KLHDC4: variants seen among roughly 807,000 people sequenced by gnomAD.
KLHDC4 encodes the protein kelch domain containing 4.
In KLHDC4, 90 loss-of-function variants were observed where a neutral mutation model predicts 62.4. The ratio of observed to expected loss-of-function variants is 1.44; its 90% CI spans 1.22 to 1.72. The LOEUF is 1.72. KLHDC4 is among the 40% of genes most tolerant of loss of function. KLHDC4 has a pLI of 0.00. For synonymous variants in KLHDC4, 386 were observed against 284.4 expected (o/e 1.36, Z -3.59); for missense variants, 1,025 against 699.7 (o/e 1.47, Z -5.25).
At chr16:87,734,858 A>G (rs574738886) in intron 5 of KLHDC4, among the ~76,000 whole-genome samples, 6 of 151,414 alleles carry the variant, frequency 4.0e-5, no homozygotes, top group South Asian at 2.1e-4. Context: ...CACACTACAC[A>G]TGAGAGTCAA....
intron 1 of KLHDC4, chr16:87,763,620 A>C (rs1396643386): frequency 6.6e-6 from 1 of 152,192 alleles, no homozygotes; most frequent in African/African-American, 2.4e-5. Context: ...AAAAATAAAA[A>C]ATAAAATGTC....
intron 7 of KLHDC4, among the ~76,000 whole-genome samples, chr16:87,718,122 G>C (rs1427107295): frequency 6.6e-6 from 1 of 152,090 alleles, no homozygotes; most frequent in Non-Finnish European, 1.5e-5. Flanking sequence ...TTGAAGTGTT[G>C]TGACTTTTCC....
chr16:87,707,155 T>C (rs1175759507), downstream of KLHDC4, among the ~76,000 whole-genome samples: 2 of 152,250 alleles, frequency 1.3e-5, no homozygotes, highest in Non-Finnish European at 2.9e-5. Flanking sequence ...CAAATCCGAA[T>C]TGGCCTTCAG....
At chr16:87,703,116 G>A (rs960521287), downstream of KLHDC4, 1 of 152,240 alleles carries the variant, frequency 6.6e-6, no homozygotes, top group African/African-American at 2.4e-5. Context: ...CCGCTGCAGA[G>A]CTGCGCAATG....
chr16:87,708,638 C>T (rs1597368897), intron 10 of KLHDC4, 172 bp from the exon 11 acceptor site: 6 of 441,554 alleles, frequency 1.4e-5, no homozygotes, highest in Middle Eastern at 5.7e-4. Flanking sequence ...AAACAGACTG[C>T]GTTCCCCTGG....
intron 7 of KLHDC4, among the ~76,000 whole-genome samples, chr16:87,722,125 G>A (rs1342354890): frequency 6.6e-6 from 1 of 152,222 alleles, no homozygotes; most frequent in African/African-American, 2.4e-5. Context: ...ACACGTGAAT[G>A]CTGCTGGGTC....
At position 87,709,353 on chromosome 16, in the gene KLHDC4, GGCCTCAAACAT is replaced by G; in HGVS notation, c.1348_1358del (p.Met450ArgfsTer45). On this transcript the variant is annotated frameshift_variant, in exon 10 of 12. Coordinates refer to ENST00000270583, the MANE Select transcript of KLHDC4 (RefSeq NM_017566.4). LOFTEE classifies it high-confidence loss of function. ...CGCTGAGGGTGACCTGGCGGTCGCCGGCCTCAAACATGCCCCCATAGACGTAGAGCACCCCA... is the reference window on the plus strand; with the variant it reads ...CGCTGAGGGTGACCTGGCGGTCGCCGGCCCCCATAGACGTAGAGCACCCCA... The G allele has an allele frequency of 6.2e-7, 1 of 1,613,416 alleles. No individual in the cohort carries two copies. Among genetic ancestry groups the G allele is most frequent in the Non-Finnish European group, 8.5e-7 (1 of 1,179,942 alleles).
intron 10 of KLHDC4, 75 bp from the exon 11 acceptor site, chr16:87,708,541 G>A (rs2035108929): frequency 9.2e-7 from 1 of 1,085,720 alleles, no homozygotes; most frequent in South Asian, 1.7e-5. Context: ...GACGGTGGTG[G>A]CTACGTCCTG....
Position 87,741,830 on chromosome 16 carries a change from C to T in KLHDC4, c.506+6843G>A, listed in dbSNP as rs894471461. Among the ~76,000 whole-genome samples, 135 of 152,352 alleles carry T rather than the reference C, an allele frequency of 8.9e-4. 1 individual carries two copies. The highest frequency in any genetic ancestry group is 3.9e-4 in the East Asian group (2 of 5,190). Reference sequence around the variant, plus strand: ...CAATATTTAATTCCCGCCAACTTCACATCCTCGGCTGAAAAACCAACTCCC... The same window carrying T: ...CAATATTTAATTCCCGCCAACTTCATATCCTCGGCTGAAAAACCAACTCCC... On this transcript the variant is annotated intron_variant, in intron 5 of 11. Coordinates refer to ENST00000270583, the MANE Select transcript of KLHDC4 (RefSeq NM_017566.4).
intron 5 of KLHDC4, among the ~76,000 whole-genome samples, chr16:87,736,833 C>T (rs1597201300): frequency 6.6e-6 from 1 of 152,128 alleles, no homozygotes; most frequent in East Asian, 1.9e-4. Context: ...ATTTTACAGA[C>T]AAGGAAATCG....
intron 5 of KLHDC4, among the ~76,000 whole-genome samples, chr16:87,731,463 G>A (rs985366713): frequency 1.7e-4 from 26 of 151,632 alleles, no homozygotes; most frequent in African/African-American, 5.6e-4. Flanking sequence ...AAAATGGGGG[G>A]AAAAAAGATG....
intron 7 of KLHDC4, among the ~76,000 whole-genome samples, chr16:87,715,317 G>C (rs1305516099): frequency 1.3e-5 from 2 of 152,170 alleles, no homozygotes; most frequent in Non-Finnish European, 2.9e-5. Flanking sequence ...TGAGACGATA[G>C]TACCGAGAGC....
chr16:87,717,571 G>T (rs922908839), intron 7 of KLHDC4, among the ~76,000 whole-genome samples: 1 of 152,302 alleles, frequency 6.6e-6, no homozygotes, highest in South Asian at 2.1e-4. Flanking sequence ...GGAAACATCT[G>T]TGCAATTCCA....
downstream of KLHDC4, among the ~76,000 whole-genome samples, chr16:87,706,936 C>G (rs1258031471): frequency 6.6e-6 from 1 of 152,098 alleles, no homozygotes; most frequent in Non-Finnish European, 1.5e-5. Flanking sequence ...GCGGTGCTTC[C>G]ACCCGCCCAG....
chr16:87,706,457 G>A (rs60730977), downstream of KLHDC4, among the ~76,000 whole-genome samples: 963 of 151,454 alleles, frequency 6.4e-3, 14 homozygotes, highest in African/African-American at 0.022. Flanking sequence ...CCGGCACAAC[G>A]CAAACACAAG....
At chr16:87,765,306 C>T (rs748639544) in intron 1 of KLHDC4, 1 of 456,316 alleles carries the variant, frequency 2.2e-6, no homozygotes, top group Non-Finnish European at 4.4e-6. Context: ...ATCTGCTGCT[C>T]ACTGCTCAGG....
intron 5 of KLHDC4, among the ~76,000 whole-genome samples, chr16:87,739,569 C>G (rs2041928432): frequency 6.7e-6 from 1 of 148,276 alleles, no homozygotes; most frequent in African/African-American, 2.5e-5. Context: ...ATCCACACAC[C>G]AGCACGTCAT....
chr16:87,765,453 C>A, intron 1 of KLHDC4: 1 of 498,952 alleles, frequency 2.0e-6, no homozygotes. Context: ...AAACCCCTCC[C>A]TCTTCTCACC....
intron 7 of KLHDC4, among the ~76,000 whole-genome samples, chr16:87,723,847 C>A (rs1567705812): frequency 6.6e-6 from 1 of 151,938 alleles, no homozygotes; most frequent in African/African-American, 2.4e-5. Context: ...TTTCTTTTTT[C>A]TTTTTTTTGA....
Sources: allele counts gnomAD v4.1 joint callset (sites outside exome capture counted in the v4.1 genomes callset), GRCh38; gene constraint gnomAD v4.1.1; transcripts MANE v1.5; gene names NCBI Gene and HGNC (gene_info 2026-07-23, HGNC 2026-07-21).